Variants in EFHC1 observed in about 807,000 individuals in gnomAD.
EFHC1 encodes EF-hand domain containing 1.
EFHC1 carries 53 observed loss-of-function variants against 69.9 expected under a neutral mutation model. That is an observed-to-expected ratio of 0.76 (90% CI 0.61 to 0.95). The LOEUF is 0.95. Among genes scored for constraint, EFHC1 ranks in the 40% least tolerant of loss-of-function variants. EFHC1 has a pLI of 0.00. For synonymous variants in EFHC1, 256 were observed against 278.4 expected, an observed-to-expected ratio of 0.92 and a Z score of 0.80; for missense variants, 739 against 798.7, an observed-to-expected ratio of 0.93 and a Z score of 0.90.
chr6:52,444,957 C>T (rs990565985), intron 3 of EFHC1, among the ~76,000 whole-genome samples: 3 of 151,912 alleles, frequency 2.0e-5, no homozygotes, highest in African/African-American at 7.3e-5. Context: ...ATTATTGCCT[C>T]AATTTCAGAA....
At position 52,420,357 on chromosome 6, in the gene EFHC1, G is replaced by A; in HGVS notation, c.-54G>A. The stretch of plus-strand genomic sequence containing the variant: ...GCCCGCGAACACTGCTTGTCGCCTG[G>A]GCAACCGGAGAGGACGAAGCAGGAC... On this transcript the variant is annotated 5_prime_UTR_variant, in exon 1 of 11. Coordinates refer to ENST00000371068, the MANE Select transcript of EFHC1 (RefSeq NM_018100.4). 1.2e-6 allele frequency: 2 copies of A among 1,612,504 alleles called. No individual in the cohort carries two copies. The highest frequency in any genetic ancestry group is 1.7e-6 in the Non-Finnish European group (2 of 1,178,542).
chr6:52,475,252 GA>G (rs1182888665), intron 7 of EFHC1, among the ~76,000 whole-genome samples: 2 of 152,126 alleles, frequency 1.3e-5, no homozygotes, highest in African/African-American at 2.4e-5. Flanking sequence ...ACAATAAGGG[GA>G]AAAGGTTTAT....
At chr6:52,486,654 C>T (rs1337830467) in intron 9 of EFHC1, 2 of 152,168 alleles carry the variant, frequency 1.3e-5, no homozygotes, top group East Asian at 1.9e-4. Context: ...ATGTGGGCTT[C>T]ATCAGTTTTC....
At position 52,494,862 on chromosome 6, in the gene EFHC1, G is replaced by A. The variant is rs745925173; in HGVS notation, c.*2521G>A. The A allele has an allele frequency of 1.8e-5, 8 of 451,732 alleles. No homozygotes were observed. The highest frequency in any genetic ancestry group is 3.6e-5 in the Non-Finnish European group (8 of 225,122). 28.0% of individuals were successfully genotyped at this position (451,732 alleles called of 1,614,324 possible). A position where few individuals can be genotyped will look rare whatever the true frequency, so the allele number is the denominator to read the frequency against. ...GGCCTCCAGCTGCATCCATGTTGCTGCAGAATACATGATTTCATTTTTTAT... is the reference window on the plus strand; with the variant it reads ...GGCCTCCAGCTGCATCCATGTTGCTACAGAATACATGATTTCATTTTTTAT... On this transcript the variant is annotated 3_prime_UTR_variant, in exon 11 of 11. Transcript: ENST00000371068.
At chr6:52,479,321 T>C (rs919574773) in intron 8 of EFHC1, 71 bp downstream of exon 8, 4 of 1,532,788 alleles carry the variant, frequency 2.6e-6, no homozygotes, top group Non-Finnish European at 3.6e-6. Context: ...TTTAATTCAT[T>C]TAACCCTGTA....
chr6:52,480,442 G>T (rs765318706), intron 9 of EFHC1, among the ~76,000 whole-genome samples: 1 of 152,168 alleles, frequency 6.6e-6, no homozygotes, highest in East Asian at 1.9e-4. Context: ...ACTATCACTA[G>T]GCCCTTGGAC....
At chr6:52,484,304 T>C (rs1352257530) in intron 9 of EFHC1, 4 of 152,230 alleles carry the variant, frequency 2.6e-5, no homozygotes, top group Admixed American at 6.5e-5. Context: ...TATGTGTTTA[T>C]ATCTATTGCT....
At chr6:52,475,970 A>C (rs1765536729) in intron 7 of EFHC1, among the ~76,000 whole-genome samples, 1 of 152,218 alleles carries the variant, frequency 6.6e-6, no homozygotes, top group Admixed American at 6.5e-5. Context: ...AGCCTCTCTG[A>C]GGAGGTCATA....
rs199604518 is a variant in EFHC1 at position 52,492,304 on chromosome 6, T to C, written c.1886T>C (p.Ile629Thr). 148 of 1,614,048 alleles carry C rather than the reference T, an allele frequency of 9.2e-5. No individual in the cohort carries two copies. The highest frequency in any genetic ancestry group is 1.2e-4 in the Non-Finnish European group (147 of 1,179,958). ...IRMCSHGEGKINYYNFVRAFS... is the reference protein window; with the variant it reads ...IRMCSHGEGKTNYYNFVRAFS... ...ATGTGCTCTCATGGAGAAGGCAAAA[T>C]TAACTACTATAACTTTGTTCGTGCT... Residue 629 changes from isoleucine (I) to threonine (T), a missense_variant, in exon 11 of 11, where the codon ATT becomes ACT. By Grantham distance (89) the Ile-to-Thr change is moderately conservative. Coordinates refer to ENST00000371068, the MANE Select transcript of EFHC1 (RefSeq NM_018100.4).
intron 2 of EFHC1, among the ~76,000 whole-genome samples, chr6:52,428,620 A>C (rs950630476): frequency 5.3e-5 from 8 of 152,260 alleles, no homozygotes; most frequent in African/African-American, 1.9e-4. Context: ...ATATTTTTGC[A>C]GTTGCAAATT....
In EFHC1 at chr6:52,495,105, G is replaced by C. The variant is rs1273183362; in HGVS notation, c.*2764G>C. The C allele has an allele frequency of 2.2e-6, 1 of 454,016 alleles. No homozygotes were observed. Among genetic ancestry groups the C allele is most frequent in the Non-Finnish European group, 4.4e-6 (1 of 226,780 alleles). The allele number at this position is 454,016 out of a possible 1,614,324, so 28.1% of individuals were successfully genotyped here. A position where few individuals can be genotyped will look rare whatever the true frequency, so the allele number is the denominator to read the frequency against. On this transcript the variant is annotated 3_prime_UTR_variant, in exon 11 of 11. Transcript: ENST00000371068. ...CGGCTCTAATGGTATGGTCTCCAAG[G>C]CTCCTTCTGATCTTCCCAGGAGGCC... is the stretch of plus-strand genomic sequence containing the variant.
At chr6:52,448,278 C>G (rs1764834151) in intron 3 of EFHC1, among the ~76,000 whole-genome samples, 7 of 152,212 alleles carry the variant, frequency 4.6e-5, no homozygotes, top group Admixed American at 4.6e-4. Flanking sequence ...ATGGCGGATG[C>G]CCCTCCACCA....
Position 52,433,368 on chromosome 6 carries a change from T to C in EFHC1, c.286-4936T>C, listed in dbSNP as rs140800684. Among the ~76,000 whole-genome samples, 637 of 152,298 alleles carry C rather than the reference T, an allele frequency of 4.2e-3. 2 individuals are homozygous for C. The highest frequency in any genetic ancestry group is 6.8e-3 in the Middle Eastern group (2 of 294). On this transcript the variant is annotated intron_variant, in intron 2 of 10. Transcript: ENST00000371068. The stretch of plus-strand genomic sequence containing the variant: ...TCAGATTCTTTTGTCCCACGGGGTG[T>C]TCCCTTGATGTAGCATTCTCTCCCT...
Position 52,495,881 on chromosome 6 carries a change from T to A in EFHC1, c.*3540T>A. On this transcript the variant is annotated 3_prime_UTR_variant, in exon 11 of 11. Transcript: ENST00000371068. ...GCACCAACACAAGGTATAAAAGAGATTTCATGAAAGACCAAAGCCAGCAGG... is the reference window on the plus strand; with the variant it reads ...GCACCAACACAAGGTATAAAAGAGAATTCATGAAAGACCAAAGCCAGCAGG... 3.3e-6 allele frequency: 1 copy of A among 302,478 alleles called. No individual in the cohort carries two copies. The highest frequency in any genetic ancestry group is 3.3e-5 in the South Asian group (1 of 30,610). The allele number at this position is 302,478 out of a possible 1,614,324, so 18.7% of individuals were successfully genotyped here.
intron 6 of EFHC1, among the ~76,000 whole-genome samples, chr6:52,465,670 A>G (rs1765289447): frequency 6.6e-6 from 1 of 151,538 alleles, no homozygotes; most frequent in African/African-American, 2.4e-5. Context: ...AGCCGAGTGT[A>G]GTGGTGCGCA....
chr6:52,424,081 A>G lies in EFHC1; in HGVS notation c.199A>G (p.Ser67Gly), dbSNP rs766220714. The change falls in exon 2 of 11, where the codon AGT becomes GGT. Residue 67 changes from serine to glycine, a missense_variant. By Grantham distance (56) the Ser-to-Gly change is moderately conservative (BLOSUM62 0). Coordinates refer to ENST00000371068, the MANE Select transcript of EFHC1 (RefSeq NM_018100.4). Reference protein sequence around the residue: ...LSQAELDELASKAPVLTYGQP... With the variant: ...LSQAELDELAGKAPVLTYGQP... ...CCAGGCTGAGCTGGATGAGTTGGCC[A>G]GTAAGGCACCAGTCTTAACTTATGG... 8.1e-6 allele frequency: 13 copies of G among 1,614,052 alleles called. No individual in the cohort carries two copies. The highest frequency in any genetic ancestry group is 1.1e-5 in the Non-Finnish European group (13 of 1,180,030).
chr6:52,470,467 A>G (rs188672563), intron 7 of EFHC1, among the ~76,000 whole-genome samples: 41 of 152,334 alleles, frequency 2.7e-4, no homozygotes, highest in Non-Finnish European at 5.3e-4. Context: ...TAGACTTTGT[A>G]GGTACTCAGT....
In EFHC1 at chr6:52,490,238, G is replaced by A. The variant is rs752701116; in HGVS notation, c.1739G>A (p.Arg580His). 9.9e-6 allele frequency: 16 copies of A among 1,614,096 alleles called. No individual in the cohort carries two copies. The highest frequency in any genetic ancestry group is 2.7e-5 in the African/African-American group (2 of 75,038). ...GATCACTCATGCAAAGACAACATTC[G>A]TGAGGCATTTCAAATTTATGACAAG... ...LKDHSCKDNI[R>H]EAFQIYDKEA... The change falls in exon 10 of 11, where the codon CGT (arginine) becomes CAT (histidine). Residue 580 changes from arginine (R) to histidine (H), a missense_variant. Coordinates refer to ENST00000371068, the MANE Select transcript of EFHC1 (RefSeq NM_018100.4).
chr6:52,496,065 T>C lies in EFHC1; in HGVS notation c.*3724T>C, dbSNP rs904571784. 2 of 186,570 alleles carry C rather than the reference T, an allele frequency of 1.1e-5. No individual in the cohort carries two copies. The highest frequency in any genetic ancestry group is 4.7e-5 in the African/African-American group (2 of 42,298). 11.6% of individuals were successfully genotyped at this position (186,570 alleles called of 1,614,324 possible). A position where few individuals can be genotyped will look rare whatever the true frequency, so the allele number is the denominator to read the frequency against. On this transcript the variant is annotated 3_prime_UTR_variant, in exon 11 of 11. Coordinates refer to ENST00000371068, the MANE Select transcript of EFHC1 (RefSeq NM_018100.4). ...AATTACCTTATGCTACAGTCATAGC[T>C]GGCATGCATCTGGAGTGTCAGGTTC... is the stretch of plus-strand genomic sequence containing the variant.
Sources: allele counts gnomAD v4.1 joint callset (sites outside exome capture counted in the v4.1 genomes callset), GRCh38; gene constraint gnomAD v4.1.1; transcripts MANE v1.5; gene names NCBI Gene and HGNC (gene_info 2026-07-23, HGNC 2026-07-21).